The following LDB2 variants were observed in gnomAD, a reference collection of about 807,000 sequenced individuals.
The protein encoded by LDB2 is LIM domain-binding protein 2.
Under a neutral mutation model 44.3 loss-of-function variants are expected in LDB2, and 12 were observed. The ratio of observed to expected loss-of-function variants is 0.27; its 90% CI spans 0.17 to 0.44. The LOEUF (loss-of-function observed/expected upper bound fraction) is 0.44. LDB2 is among the 20% of genes least tolerant of loss of function. The pLI is 1.00. For synonymous variants in LDB2, 164 were observed against 174.8 expected (o/e 0.94, Z 0.49); for missense variants, 344 against 473.5 (o/e 0.73, Z 2.54).
At chr4:16,897,895 AATATATATATATATATATATAT>A (rs1174965862) in intron 1 of LDB2, among the ~76,000 whole-genome samples, 34 of 78,170 alleles carry the variant, frequency 4.3e-4, no homozygotes, top group South Asian at 2.8e-3. Context: ...TAAAAAAGAA[AATATATATATATATATATATAT>A]ATATATATAT....
chr4:16,687,445 C>T (rs756617336), intron 2 of LDB2, among the ~76,000 whole-genome samples: 1 of 152,202 alleles, frequency 6.6e-6, no homozygotes, highest in African/African-American at 2.4e-5. Flanking sequence ...CTTCTGGCAC[C>T]TTGATCTTGG....
chr4:16,574,557 G>A (rs1747682609), intron 5 of LDB2, among the ~76,000 whole-genome samples: 1 of 152,156 alleles, frequency 6.6e-6, no homozygotes, highest in Admixed American at 6.5e-5. Context: ...CTTGTCACAT[G>A]CATTATTATT....
At chr4:16,815,754 G>A (rs1780776493) in intron 1 of LDB2, among the ~76,000 whole-genome samples, 1 of 152,170 alleles carries the variant, frequency 6.6e-6, no homozygotes, top group Non-Finnish European at 1.5e-5. Context: ...AGATGACAAA[G>A]TTGTGACTGT....
intron 2 of LDB2, among the ~76,000 whole-genome samples, chr4:16,624,930 T>G (rs1729878014): frequency 6.6e-6 from 1 of 152,214 alleles, no homozygotes; most frequent in Admixed American, 6.5e-5. Context: ...TACTCAGAGC[T>G]TAAAGATCAA....
intron 2 of LDB2, among the ~76,000 whole-genome samples, chr4:16,663,761 T>C (rs1355123246): frequency 6.6e-6 from 1 of 152,158 alleles, no homozygotes; most frequent in African/African-American, 2.4e-5. Context: ...CATAACTACA[T>C]AGATAGATTC....
rs993480439 is a variant in LDB2, at chr4:16,844,334, C to T, written c.132+54020G>A. On this transcript the variant is annotated intron_variant, in intron 1 of 7. Coordinates refer to ENST00000304523, the MANE Select transcript of LDB2 (RefSeq NM_001290.5). ...GTAGAAGTAAAAACTAAATACCTCA[C>T]TTCTCCTCCCACTTCCCTGGGTGCC... Among the ~76,000 whole-genome samples, 3 of 149,590 alleles carry T rather than the reference C, an allele frequency of 2.0e-5. No individual in the cohort carries two copies. In the East Asian group the frequency reaches 6.0e-4, roughly 30 times the overall value.
intron 2 of LDB2, among the ~76,000 whole-genome samples, chr4:16,751,191 G>T (rs780840334): frequency 1.3e-5 from 2 of 152,104 alleles, no homozygotes; most frequent in African/African-American, 4.8e-5. Flanking sequence ...AAGCCTGTAC[G>T]TTTGACAATT....
In LDB2 at chr4:16,590,438, G is replaced by A. The variant is rs148295805; in HGVS notation, c.409-1606C>T. On this transcript the variant is annotated intron_variant, in intron 3 of 7. Transcript: ENST00000304523. ...TGAACAATTTATATCAGCCTTTTAC[G>A]AAATATTAATAATCACTTTCCTCTT... Among the ~76,000 whole-genome samples, 466 of 152,244 alleles carry A rather than the reference G, an allele frequency of 3.1e-3. 2 individuals are homozygous for A. The highest frequency in any genetic ancestry group is 0.011 in the African/African-American group (437 of 41,538).
At chr4:16,534,499 G>C (rs923691114) in intron 5 of LDB2, among the ~76,000 whole-genome samples, 3 of 152,130 alleles carry the variant, frequency 2.0e-5, no homozygotes, top group African/African-American at 4.8e-5. Flanking sequence ...TTTGCTAAAG[G>C]CTTATGCTAG....
chr4:16,563,838 G>T (rs1485565626), intron 5 of LDB2, among the ~76,000 whole-genome samples: 2 of 152,070 alleles, frequency 1.3e-5, no homozygotes, highest in Non-Finnish European at 2.9e-5. Flanking sequence ...GACACACATG[G>T]AGGCTCTGCA....
At chr4:16,614,697 C>T (rs1462873227) in intron 2 of LDB2, among the ~76,000 whole-genome samples, 1 of 151,034 alleles carries the variant, frequency 6.6e-6, no homozygotes, top group Non-Finnish European at 1.5e-5. Flanking sequence ...AAAAGCTCAA[C>T]ATCACTGATC....
At chr4:16,757,166 T>C (rs1268941060) in intron 2 of LDB2, among the ~76,000 whole-genome samples, 1 of 152,164 alleles carries the variant, frequency 6.6e-6, no homozygotes, top group African/African-American at 2.4e-5. Context: ...GCATAAACAG[T>C]GCACGTCAGG....
At chr4:16,799,000 G>A (rs1411374642) in intron 1 of LDB2, among the ~76,000 whole-genome samples, 5 of 152,212 alleles carry the variant, frequency 3.3e-5, no homozygotes, top group East Asian at 1.9e-4. Flanking sequence ...ACAGGCGCCC[G>A]CCACCACACC....
At chr4:16,665,711 C>T (rs1742941911) in intron 2 of LDB2, among the ~76,000 whole-genome samples, 1 of 152,044 alleles carries the variant, frequency 6.6e-6, no homozygotes, top group Non-Finnish European at 1.5e-5. Context: ...TCAATAGTAG[C>T]CCCTAAAAGA....
intron 5 of LDB2, among the ~76,000 whole-genome samples, chr4:16,551,341 CTG>C (rs942671121): frequency 6.6e-6 from 1 of 152,080 alleles, no homozygotes; most frequent in Non-Finnish European, 1.5e-5. Context: ...TTAAGGAAAA[CTG>C]TATCTTAACT....
chr4:16,765,953 C>G (rs536810826), intron 1 of LDB2, among the ~76,000 whole-genome samples: 1 of 152,170 alleles, frequency 6.6e-6, no homozygotes, highest in South Asian at 2.1e-4. Flanking sequence ...CATGAATGCA[C>G]TTGACTGGCT....
rs896444789 is a variant in LDB2, at chr4:16,662,626, C to T, written c.236-66751G>A. Among the ~76,000 whole-genome samples the T allele has an allele frequency of 3.9e-5, 6 of 151,974 alleles. No homozygotes were observed. The South Asian group carries it at 6.3e-4, about 16-fold the overall frequency. On this transcript the variant is annotated intron_variant, in intron 2 of 7. Transcript: ENST00000304523. ...GGGACCCAGTGGGATGTAATTGAATCGTGAGGCAAGTTTTTTTTTTTGGGT... is the reference window on the plus strand; with the variant it reads ...GGGACCCAGTGGGATGTAATTGAATTGTGAGGCAAGTTTTTTTTTTTGGGT...
chr4:16,560,134 C>T (rs1273400331), intron 5 of LDB2, among the ~76,000 whole-genome samples: 1 of 152,108 alleles, frequency 6.6e-6, no homozygotes, highest in African/African-American at 2.4e-5. Context: ...AAAATTGACA[C>T]CCTAAAGTCA....
chr4:16,655,431 A>T (rs955115101), intron 2 of LDB2, among the ~76,000 whole-genome samples: 4 of 152,306 alleles, frequency 2.6e-5, no homozygotes, highest in African/African-American at 9.6e-5. Context: ...AGAAATGCTC[A>T]TGGGTGTAGA....
Sources: gnomAD v4.1 joint callset for allele counts (sites outside exome capture counted in the v4.1 genomes callset) on GRCh38, gnomAD v4.1.1 for gene constraint, MANE v1.5 for transcripts, NCBI Gene and HGNC (gene_info 2026-07-23, HGNC 2026-07-21) for gene names.